CABS1: variants seen among roughly 807,000 people sequenced by gnomAD.
CABS1 encodes the protein calcium binding protein, spermatid associated 1.
For missense variants in CABS1, 500 were observed against 464.3 expected (o/e 1.08, Z -0.71); for synonymous variants, 195 against 169.0 (o/e 1.15, Z -1.19).
rs765906296 is a variant in CABS1 at position 70,336,185 on chromosome 4, C to A, written c.1146C>A (p.Ile382=). The change falls in exon 1 of 2, where the codon ATC becomes ATA. Residue 382 remains isoleucine, a synonymous_variant. Transcript: ENST00000273936. ...KEDTSTTETD[I]FELLKEEPDE... is the part of the protein sequence containing the mutation. The stretch of plus-strand genomic sequence containing the variant: ...ACACCTCCACAACTGAAACGGATAT[C>A]TTTGAACTACTGAAAGAAGAACCCG... 8.1e-6 allele frequency: 13 copies of A among 1,612,216 alleles called. No homozygotes were observed. Among genetic ancestry groups the A allele is most frequent in the Non-Finnish European group, 1.1e-5 (13 of 1,179,098 alleles).
rs1417283463 is a variant in CABS1, at chr4:70,335,912, T to C, written c.873T>C (p.Thr291=). 1 of 1,613,568 alleles carries C rather than the reference T, an allele frequency of 6.2e-7. No individual in the cohort carries two copies. The highest frequency in any genetic ancestry group is 8.5e-7 in the Non-Finnish European group (1 of 1,179,694). The change falls in exon 1 of 2, where the codon ACT becomes ACC. Residue 291 remains threonine, a synonymous_variant. Transcript: ENST00000273936. The part of the protein sequence containing the change: ...REDTLLTDEE[T]TEGASIWMER... ...ATACTCTGCTAACTGATGAAGAAAC[T>C]ACCGAGGGAGCCAGTATTTGGATGG... is the stretch of plus-strand genomic sequence containing the variant.
chr4:70,335,035 G>T lies in CABS1; in HGVS notation c.-5G>T. Reference sequence around the variant, plus strand: ...CTGTGAGAGTGCACAGTGCCACTTCGCCCCATGGCTGAAGATGGTTTGCCC... The same window carrying T: ...CTGTGAGAGTGCACAGTGCCACTTCTCCCCATGGCTGAAGATGGTTTGCCC... On this transcript the variant is annotated 5_prime_UTR_variant, in exon 1 of 2. Coordinates refer to ENST00000273936, the MANE Select transcript of CABS1 (RefSeq NM_033122.4). The T allele has an allele frequency of 1.2e-6, 2 of 1,609,284 alleles. No individual in the cohort carries two copies. The highest frequency in any genetic ancestry group is 1.7e-4 in the Middle Eastern group (1 of 6,026).
At position 70,336,152 on chromosome 4, in the gene CABS1, T is replaced by C. The variant is rs1731725134; in HGVS notation, c.1113T>C (p.Tyr371=). Residue 371 remains tyrosine, a synonymous_variant, in exon 1 of 2, where the codon TAT becomes TAC. Transcript: ENST00000273936. ...GTTSVLDTPD[Y]KEDTSTTETD... ...CCTCTGTATTAGATACCCCAGACTATAAGGAAGACACCTCCACAACTGAAA... is the reference window on the plus strand; with the variant it reads ...CCTCTGTATTAGATACCCCAGACTACAAGGAAGACACCTCCACAACTGAAA... The C allele has an allele frequency of 6.2e-7, 1 of 1,613,068 alleles. No individual in the cohort carries two copies. Among genetic ancestry groups the C allele is most frequent in the Non-Finnish European group, 8.5e-7 (1 of 1,179,476 alleles).
rs1410835709 is a variant in CABS1 at position 70,336,153 on chromosome 4, A to T, written c.1114A>T (p.Lys372Ter). Reference protein sequence around the residue: ...TTSVLDTPDYKEDTSTTETDI... With the variant: ...TTSVLDTPDY ...CTCTGTATTAGATACCCCAGACTATAAGGAAGACACCTCCACAACTGAAAC... is the reference window on the plus strand; with the variant it reads ...CTCTGTATTAGATACCCCAGACTATTAGGAAGACACCTCCACAACTGAAAC... The change falls in exon 1 of 2, where the codon AAG becomes TAG. Residue 372 changes from lysine (K) to a stop codon, truncating the protein, a stop_gained. Coordinates refer to ENST00000273936, the MANE Select transcript of CABS1 (RefSeq NM_033122.4). LOFTEE classifies it low-confidence loss of function (END_TRUNC). 1 of 1,613,224 alleles carries T rather than the reference A, an allele frequency of 6.2e-7. No homozygotes were observed. The highest frequency in any genetic ancestry group is 1.1e-5 in the South Asian group (1 of 91,060).
Position 70,336,191 on chromosome 4 carries a change from A to G in CABS1, c.1152A>G (p.Glu384=), listed in dbSNP as rs1223116241. The G allele has an allele frequency of 6.8e-6, 11 of 1,611,998 alleles. No homozygotes were observed. In the South Asian group the frequency reaches 1.2e-4, roughly 18 times the overall value. ...DTSTTETDIF[E]LLKEEPDEFM... is the part of the protein sequence containing the mutation. Reference sequence around the variant, plus strand: ...CCACAACTGAAACGGATATCTTTGAACTACTGAAAGAAGAACCCGATGAGT... The same window carrying G: ...CCACAACTGAAACGGATATCTTTGAGCTACTGAAAGAAGAACCCGATGAGT... The change falls in exon 1 of 2, where the codon GAA becomes GAG. Residue 384 remains glutamate, a synonymous_variant. Coordinates refer to ENST00000273936, the MANE Select transcript of CABS1 (RefSeq NM_033122.4).
chr4:70,335,345 T>A lies in CABS1; in HGVS notation c.306T>A (p.Thr102=). The part of the protein sequence containing the change: ...LQKEITSLTG[T]TNSITRDSIT... ...AAGAAATTACCTCTCTGACTGGCAC[T>A]ACAAACTCCATAACAAGAGACTCTA... The change falls in exon 1 of 2, where the codon ACT becomes ACA. Residue 102 remains threonine, a synonymous_variant. Coordinates refer to ENST00000273936, the MANE Select transcript of CABS1 (RefSeq NM_033122.4). 6.2e-7 allele frequency: 1 copy of A among 1,613,868 alleles called. No individual in the cohort carries two copies. The highest frequency in any genetic ancestry group is 8.5e-7 in the Non-Finnish European group (1 of 1,179,888).
chr4:70,334,981 A>T lies in CABS1; in HGVS notation c.-59A>T. The T allele has an allele frequency of 6.9e-7, 1 of 1,443,236 alleles. No homozygotes were observed. Among genetic ancestry groups the T allele is most frequent in the Non-Finnish European group, 9.4e-7 (1 of 1,058,732 alleles). 89.4% of individuals were successfully genotyped at this position (1,443,236 alleles called of 1,614,324 possible). On this transcript the variant is annotated 5_prime_UTR_variant, in exon 1 of 2. Coordinates refer to ENST00000273936, the MANE Select transcript of CABS1 (RefSeq NM_033122.4). Reference sequence around the variant, plus strand: ...TCTGATGAACACTGCTCTCCTGCCTAGAGATACCACTGAGTCCAGAAGCAA... The same window carrying T: ...TCTGATGAACACTGCTCTCCTGCCTTGAGATACCACTGAGTCCAGAAGCAA...
Position 70,335,304 on chromosome 4 carries a change from A to G in CABS1, c.265A>G (p.Thr89Ala), listed in dbSNP as rs571877294. 6.2e-6 allele frequency: 10 copies of G among 1,613,834 alleles called. No individual in the cohort carries two copies. The highest frequency in any genetic ancestry group is 2.7e-5 in the African/African-American group (2 of 75,026). The change falls in exon 1 of 2, where the codon ACA becomes GCA. Residue 89 changes from threonine to alanine, a missense_variant. Physicochemically the swap from Thr to Ala is moderately conservative, Grantham distance 58 (BLOSUM62 0). Transcript: ENST00000273936. ...DDMGTDFIKS[T>A]THLQKEITSL... The stretch of plus-strand genomic sequence containing the variant: ...TATGGGGACCGACTTTATTAAGTCA[A>G]CAACTCACCTACAGAAAGAAATTAC...
rs767742817 is a variant in CABS1, at chr4:70,335,736, G to T, written c.697G>T (p.Ala233Ser). ...ESFTTIPDIT[A>S]LEEEKITEID... is the part of the protein sequence containing the mutation. The stretch of plus-strand genomic sequence containing the variant: ...CTTCACTACTATTCCAGACATAACT[G>T]CCCTTGAAGAAGAGAAAATAACCGA... Residue 233 changes from alanine to serine, a missense_variant, in exon 1 of 2, where the codon GCC becomes TCC. Transcript: ENST00000273936. 1 of 1,613,512 alleles carries T rather than the reference G, an allele frequency of 6.2e-7. No homozygotes were observed. The highest frequency in any genetic ancestry group is 2.2e-5 in the East Asian group (1 of 44,814).
Position 70,335,256 on chromosome 4 carries a change from G to T in CABS1, c.217G>T (p.Glu73Ter). ...TTDNKLTAKK[E>*]KLKSEDDMGT... is the part of the protein sequence containing the mutation. ...AGACAACAAACTGACAGCTAAAAAG[G>T]AAAAACTCAAATCAGAAGATGATAT... Residue 73 changes from glutamate (E) to a stop codon, truncating the protein, a stop_gained, in exon 1 of 2, where the codon GAA becomes TAA. Transcript: ENST00000273936. LOFTEE classifies it low-confidence loss of function (END_TRUNC). 6.2e-7 allele frequency: 1 copy of T among 1,613,436 alleles called. No individual in the cohort carries two copies. The highest frequency in any genetic ancestry group is 2.2e-5 in the East Asian group (1 of 44,848).
rs1173109705 is a variant in CABS1 at position 70,336,087 on chromosome 4, G to C, written c.1048G>C (p.Glu350Gln). 1 of 1,613,088 alleles carries C rather than the reference G, an allele frequency of 6.2e-7. No individual in the cohort carries two copies. The highest frequency in any genetic ancestry group is 8.5e-7 in the Non-Finnish European group (1 of 1,179,536). ...AGATTTGTCTGAAACTGATAATACA[G>C]AGACTGTACCTAAGATCACTGAGCC... ...EEDLSETDNTETVPKITEPFS... is the reference protein window; with the variant it reads ...EEDLSETDNTQTVPKITEPFS... The change falls in exon 1 of 2, where the codon GAG becomes CAG. Residue 350 changes from glutamate to glutamine, a missense_variant. Transcript: ENST00000273936.
At position 70,335,670 on chromosome 4, in the gene CABS1, A is replaced by G. The variant is rs1247871739; in HGVS notation, c.631A>G (p.Thr211Ala). The G allele has an allele frequency of 2.5e-6, 4 of 1,613,492 alleles. No individual in the cohort carries two copies. The highest frequency in any genetic ancestry group is 1.7e-5 in the Admixed American group (1 of 59,904). The change falls in exon 1 of 2, where the codon ACT (threonine) becomes GCT (alanine). Residue 211 changes from threonine (T) to alanine (A), a missense_variant. Coordinates refer to ENST00000273936, the MANE Select transcript of CABS1 (RefSeq NM_033122.4). Reference protein sequence around the residue: ...ADEAVQVTDSTIPEAEIPPAP... With the variant: ...ADEAVQVTDSAIPEAEIPPAP... ...TGAGGCTGTCCAGGTCACTGATTCCACTATTCCTGAGGCTGAAATCCCTCC... is the reference window on the plus strand; with the variant it reads ...TGAGGCTGTCCAGGTCACTGATTCCGCTATTCCTGAGGCTGAAATCCCTCC...
In CABS1 at chr4:70,335,797, C is replaced by T; in HGVS notation, c.758C>T (p.Ala253Val). 2 of 1,613,594 alleles carry T rather than the reference C, an allele frequency of 1.2e-6. No homozygotes were observed. Among genetic ancestry groups the T allele is most frequent in the South Asian group, 2.2e-5 (2 of 91,070 alleles). ...AGTGTTTTAGAAGATGACACCAGTGCTGTGGCTACATTAACTGACTCTGAT... is the reference window on the plus strand; with the variant it reads ...AGTGTTTTAGAAGATGACACCAGTGTTGTGGCTACATTAACTGACTCTGAT... ...DLSVLEDDTS[A>V]VATLTDSDEK... Residue 253 changes from alanine (A) to valine (V), a missense_variant, in exon 1 of 2, where the codon GCT becomes GTT. Transcript: ENST00000273936.
rs773833225 is a variant in CABS1, at chr4:70,335,185, C to T, written c.146C>T (p.Thr49Ile). 1 of 1,613,838 alleles carries T rather than the reference C, an allele frequency of 6.2e-7. No individual in the cohort carries two copies. Among genetic ancestry groups the T allele is most frequent in the East Asian group, 2.2e-5 (1 of 44,870 alleles). The change falls in exon 1 of 2, where the codon ACT (threonine) becomes ATT (isoleucine). Residue 49 changes from threonine (T) to isoleucine (I), a missense_variant. Transcript: ENST00000273936. ...TTITSEGDHV[T>I]SVNEYMLESD... ...ATTACTTCAGAAGGAGACCACGTCA[C>T]TTCAGTAAATGAATATATGCTAGAA...
Position 70,335,822 on chromosome 4 carries a change from T to A in CABS1, c.783T>A (p.Asp261Glu), listed in dbSNP as rs754142979. Residue 261 changes from aspartate (D) to glutamate (E), a missense_variant, in exon 1 of 2, where the codon GAT becomes GAA. By Grantham distance (45) the Asp-to-Glu change is conservative. Transcript: ENST00000273936. ...CTGTGGCTACATTAACTGACTCTGA[T>A]GAGAAGTTTATCACTGTGTTTGAAC... ...TSAVATLTDSDEKFITVFELT... is the reference protein window; with the variant it reads ...TSAVATLTDSEEKFITVFELT... The A allele has an allele frequency of 4.3e-6, 7 of 1,613,558 alleles. No homozygotes were observed. The South Asian group carries it at 4.4e-5, about 10-fold the overall frequency.
At position 70,336,337 on chromosome 4, in the gene CABS1, G is replaced by A. The variant is rs1257588985; in HGVS notation, c.*110G>A. ...AAACCTTTAGAAATGAAAGAATGTGGGCATTTAAGGCAAGTATTCGACTCA... is the reference window on the plus strand; with the variant it reads ...AAACCTTTAGAAATGAAAGAATGTGAGCATTTAAGGCAAGTATTCGACTCA... On this transcript the variant is annotated 3_prime_UTR_variant, in exon 1 of 2. Transcript: ENST00000273936. 10 of 1,373,238 alleles carry A rather than the reference G, an allele frequency of 7.3e-6. No individual in the cohort carries two copies. Among genetic ancestry groups the A allele is most frequent in the South Asian group, 3.4e-5 (2 of 59,674 alleles). 85.1% of individuals were successfully genotyped at this position (1,373,238 alleles called of 1,614,324 possible).
rs551306523 is a variant in CABS1 at position 70,335,355 on chromosome 4, A to G, written c.316A>G (p.Ile106Val). 19 of 1,613,832 alleles carry G rather than the reference A, an allele frequency of 1.2e-5. No homozygotes were observed. Among genetic ancestry groups the G allele is most frequent in the Admixed American group, 6.7e-5 (4 of 59,966 alleles). ...CTCTCTGACTGGCACTACAAACTCC[A>G]TAACAAGAGACTCTATTACCGAACA... Reference protein sequence around the residue: ...ITSLTGTTNSITRDSITEHFM... With the variant: ...ITSLTGTTNSVTRDSITEHFM... The change falls in exon 1 of 2, where the codon ATA (isoleucine) becomes GTA (valine). Residue 106 changes from isoleucine to valine, a missense_variant. Transcript: ENST00000273936.
chr4:70,335,067 T>C lies in CABS1; in HGVS notation c.28T>C (p.Tyr10His), dbSNP rs1162855757. 1.9e-6 allele frequency: 3 copies of C among 1,613,212 alleles called. No individual in the cohort carries two copies. The highest frequency in any genetic ancestry group is 2.5e-6 in the Non-Finnish European group (3 of 1,179,562). MAEDGLPKIYSHPPTESSKT... is the reference protein window; with the variant it reads MAEDGLPKIHSHPPTESSKT... ...GGCTGAAGATGGTTTGCCCAAAATT[T>C]ATTCTCATCCTCCAACAGAAAGCAG... The change falls in exon 1 of 2, where the codon TAT (tyrosine) becomes CAT (histidine). Residue 10 changes from tyrosine (Y) to histidine (H), a missense_variant. Tyr to His is a moderately conservative substitution (Grantham distance 83). Coordinates refer to ENST00000273936, the MANE Select transcript of CABS1 (RefSeq NM_033122.4).
At chr4:70,336,549 C>G (rs1731734039) in intron 1 of CABS1, among the ~76,000 whole-genome samples, 1 of 151,906 alleles carries the variant, frequency 6.6e-6, no homozygotes, top group African/African-American at 2.4e-5. Context: ...CTCATTTCTA[C>G]AACATTTAAT....
Sources: gnomAD v4.1 joint callset for allele counts (sites outside exome capture counted in the v4.1 genomes callset) on GRCh38, gnomAD v4.1.1 for gene constraint, MANE v1.5 for transcripts, NCBI Gene and HGNC (gene_info 2026-07-23, HGNC 2026-07-21) for gene names.